PRL: variants seen among roughly 807,000 people sequenced by gnomAD.
The protein encoded by PRL is prolactin.
A neutral mutation model predicts 21.3 loss-of-function variants in PRL; 24 were observed. That is an observed-to-expected ratio of 1.13 (90% CI 0.82 to 1.59). The LOEUF is 1.59. Among genes scored for constraint, PRL ranks in the 40% most tolerant of loss-of-function variants. The probability of loss-of-function intolerance (pLI) is 0.00; values close to 1 mark genes in which losing one functional copy is unlikely to be tolerated. For synonymous variants in PRL, 118 were observed against 115.7 expected (o/e 1.02, Z -0.13); for missense variants, 243 against 286.9 (o/e 0.85, Z 1.10).
intron 3 of PRL, among the ~76,000 whole-genome samples, chr6:22,291,284 A>C (rs973011359): frequency 3.3e-5 from 5 of 152,214 alleles, no homozygotes; most frequent in Non-Finnish European, 7.3e-5. Flanking sequence ...TTCTGGGAGC[A>C]TTGCAACACA....
intron 3 of PRL, 136 bp downstream of exon 3, chr6:22,292,402 A>G (rs1761068410): frequency 1.2e-6 from 1 of 807,882 alleles, no homozygotes; most frequent in Non-Finnish European, 2.0e-6. Flanking sequence ...ACATAATGTA[A>G]TTTTTTGACT....
Position 22,287,347 on chromosome 6 carries a change from G to T in PRL, c.*55C>A. On this transcript the variant is annotated 3_prime_UTR_variant, in exon 5 of 5. Transcript: ENST00000306482. Reference sequence around the variant, plus strand: ...AAAGAGATACAACTAAAAGAAGCTTGCAATGGAACGGATCATTAAGGACCT... The same window carrying T: ...AAAGAGATACAACTAAAAGAAGCTTTCAATGGAACGGATCATTAAGGACCT... 1.3e-6 allele frequency: 2 copies of T among 1,482,804 alleles called. No homozygotes were observed. Among genetic ancestry groups the T allele is most frequent in the Non-Finnish European group, 9.1e-7 (1 of 1,093,908 alleles). 91.9% of individuals were successfully genotyped at this position (1,482,804 alleles called of 1,614,324 possible). A position where few individuals can be genotyped will look rare whatever the true frequency, so the allele number is the denominator to read the frequency against.
intron 2 of PRL, among the ~76,000 whole-genome samples, chr6:22,293,118 C>T (rs552439641): frequency 3.3e-5 from 5 of 152,300 alleles, no homozygotes; most frequent in Non-Finnish European, 5.9e-5. Context: ...AAAATCATAA[C>T]TTTTCTCTAA....
upstream of PRL, among the ~76,000 whole-genome samples, chr6:22,299,939 T>C (rs1282349032): frequency 6.6e-6 from 1 of 152,136 alleles, no homozygotes; most frequent in Non-Finnish European, 1.5e-5. Flanking sequence ...GTTAAAAAAA[T>C]CCTCAGAATG....
upstream of PRL, among the ~76,000 whole-genome samples, chr6:22,299,579 G>A (rs1197093372): frequency 4.6e-5 from 7 of 152,292 alleles, no homozygotes; most frequent in South Asian, 1.4e-3. Flanking sequence ...AGTGGCTCAC[G>A]CCTGTAATCC....
rs1391127992 is a variant in PRL, at chr6:22,288,284, C to A, written c.493-691G>T. Among the ~76,000 whole-genome samples the A allele has an allele frequency of 6.6e-6, 1 of 152,018 alleles. No individual in the cohort carries two copies. ...GGGTGTGGTGGCTTACACTGGTTCA[C>A]GCATTTTGGGAGGCAGAGGCAGGTG... On this transcript the variant is annotated intron_variant, in intron 4 of 4. Coordinates refer to ENST00000306482, the MANE Select transcript of PRL (RefSeq NM_000948.6). The surrounding 1 kb of genome is among the most constrained non-coding windows in gnomAD (Gnocchi z 4.5).
intron 1 of PRL, among the ~76,000 whole-genome samples, chr6:22,302,573 G>T (rs1459243972): frequency 1.3e-5 from 2 of 152,020 alleles, no homozygotes; most frequent in South Asian, 4.1e-4. Flanking sequence ...AAAGAAAAAC[G>T]TACAGATTTA....
upstream of PRL, among the ~76,000 whole-genome samples, chr6:22,299,803 C>T: frequency 6.6e-6 from 1 of 152,140 alleles, no homozygotes; most frequent in Non-Finnish European, 1.5e-5. Context: ...CACGCCACTG[C>T]ACTCCAGCCT....
chr6:22,287,513 A>G lies in PRL; in HGVS notation c.573T>C (p.Ser191=). ...GCAGGTTATAATAAGCAGAAAGGCG[A>G]GACTCTTCATCAGCCATCTGCAGGG... ...LPSLQMADEE[S]RLSAYYNLLH... is the part of the protein sequence containing the mutation. Residue 191 remains serine, a synonymous_variant, in exon 5 of 5, where the codon TCT becomes TCC. Coordinates refer to ENST00000306482, the MANE Select transcript of PRL (RefSeq NM_000948.6). 6.2e-7 allele frequency: 1 copy of G among 1,614,162 alleles called. No individual in the cohort carries two copies.
intron 3 of PRL, 70 bp downstream of exon 3, chr6:22,292,468 A>G: frequency 7.2e-7 from 1 of 1,380,082 alleles, no homozygotes; most frequent in Non-Finnish European, 1.0e-6. Context: ...CTATTACAGC[A>G]CCTATCACCA....
intron 1 of PRL, among the ~76,000 whole-genome samples, chr6:22,295,078 C>T (rs1761147059): frequency 6.6e-6 from 1 of 152,080 alleles, no homozygotes; most frequent in Non-Finnish European, 1.5e-5. Flanking sequence ...AATAAACACA[C>T]GATTGTTTGA....
intron 3 of PRL, among the ~76,000 whole-genome samples, chr6:22,290,559 C>T (rs1180439023): frequency 2.0e-5 from 3 of 151,956 alleles, no homozygotes; most frequent in Admixed American, 6.6e-5. Flanking sequence ...AAAAATCCGG[C>T]TTATTTCAGT....
chr6:22,296,740 C>T (rs1462643505), intron 1 of PRL, among the ~76,000 whole-genome samples: 4 of 152,300 alleles, frequency 2.6e-5, no homozygotes, highest in East Asian at 1.9e-4. Context: ...AAACATCTCC[C>T]GACATTGCCA....
Position 22,287,254 on chromosome 6 carries a change from T to A in PRL, c.*148A>T. On this transcript the variant is annotated 3_prime_UTR_variant, in exon 5 of 5. Coordinates refer to ENST00000306482, the MANE Select transcript of PRL (RefSeq NM_000948.6). Reference sequence around the variant, plus strand: ...ACTTTGACAAATCGGCATTTTAGATTTTGATGTCTCTAAGGAGTCAGTTTT... The same window carrying A: ...ACTTTGACAAATCGGCATTTTAGATATTGATGTCTCTAAGGAGTCAGTTTT... 1 of 675,204 alleles carries A rather than the reference T, an allele frequency of 1.5e-6. No individual in the cohort carries two copies. The highest frequency in any genetic ancestry group is 2.2e-6 in the Non-Finnish European group (1 of 458,068). 41.8% of individuals were successfully genotyped at this position (675,204 alleles called of 1,614,324 possible). A position where few individuals can be genotyped will look rare whatever the true frequency, so the allele number is the denominator to read the frequency against.
chr6:22,295,351 C>T (rs994979440), intron 1 of PRL, among the ~76,000 whole-genome samples: 14 of 152,126 alleles, frequency 9.2e-5, no homozygotes, highest in African/African-American at 3.4e-4. Flanking sequence ...AGGCATGATG[C>T]CAATACTGTG....
chr6:22,292,370 T>C (rs2113506078), intron 3 of PRL, among the ~76,000 whole-genome samples, 168 bp downstream of exon 3: 1 of 152,344 alleles, frequency 6.6e-6, no homozygotes, highest in South Asian at 2.1e-4. Flanking sequence ...TAGCATTTGA[T>C]TTGACTCATA....
At chr6:22,300,609 A>T (rs1430963185), upstream of PRL, among the ~76,000 whole-genome samples, 1 of 152,202 alleles carries the variant, frequency 6.6e-6, no homozygotes, top group African/African-American at 2.4e-5. Flanking sequence ...TAATTTATCT[A>T]AAGTTTTTTC....
chr6:22,302,435 C>G (rs1052221366), upstream of PRL, among the ~76,000 whole-genome samples: 2 of 152,022 alleles, frequency 1.3e-5, no homozygotes, highest in East Asian at 1.9e-4. Flanking sequence ...CTCAGTTTCT[C>G]TAAAAATGGC....
At chr6:22,296,723 C>T (rs116612645) in intron 1 of PRL, among the ~76,000 whole-genome samples, 1,636 of 152,328 alleles carry the variant, frequency 0.011, 25 homozygotes, top group African/African-American at 0.037. Flanking sequence ...TCAGTTAAGA[C>T]AACCCAAAAC....
Sources: gnomAD v4.1 joint callset for allele counts (sites outside exome capture counted in the v4.1 genomes callset) on GRCh38, gnomAD v4.1.1 for gene constraint, Gnocchi (gnomAD v3.1) non-coding constraint, MANE v1.5 for transcripts, NCBI Gene and HGNC (gene_info 2026-07-23, HGNC 2026-07-21) for gene names.